Variants in AKAP19 observed in about 807,000 individuals in gnomAD.
AKAP19 encodes A-kinase anchoring protein 19.
the AKAP19 span, among the ~76,000 whole-genome samples, chr2:190,147,748 T>C: frequency 3.0e-5 from 3 of 101,414 alleles, no homozygotes; most frequent in Non-Finnish European, 4.3e-5. Flanking sequence ...GGTTTTTTTT[T>C]TGTTGTTGTT....
chr2:189,924,495 G>A, the AKAP19 span, among the ~76,000 whole-genome samples: 1 of 152,142 alleles, frequency 6.6e-6, no homozygotes, highest in South Asian at 2.1e-4. Context: ...TAAAAATGAT[G>A]TATGGTTTTT....
the AKAP19 span, among the ~76,000 whole-genome samples, chr2:189,957,497 TATTA>T: frequency 6.6e-6 from 1 of 152,184 alleles, no homozygotes; most frequent in African/African-American, 2.4e-5. Context: ...CAAACTAATT[TATTA>T]GTTAGTCAGC....
chr2:189,957,209 C>T, the AKAP19 span, among the ~76,000 whole-genome samples: 1 of 152,082 alleles, frequency 6.6e-6, no homozygotes, highest in Admixed American at 6.6e-5. Context: ...AATCCATGCT[C>T]ACGATATAAG....
the AKAP19 span, among the ~76,000 whole-genome samples, chr2:190,184,518 A>AAAAT: frequency 6.6e-6 from 1 of 152,334 alleles, no homozygotes; most frequent in Admixed American, 6.5e-5. Context: ...AATAAAGAAA[A>AAAAT]AAATAACTCC....
At chr2:189,940,464 G>T in the AKAP19 span, among the ~76,000 whole-genome samples, 3 of 151,528 alleles carry the variant, frequency 2.0e-5, no homozygotes, top group South Asian at 6.3e-4. Context: ...CACAGTCAAA[G>T]GAGAAAAAAG....
At chr2:190,199,973 T>C in the AKAP19 span, 4 of 1,614,144 alleles carry the variant, frequency 2.5e-6, no homozygotes, top group South Asian at 1.1e-5. Context: ...CTACCTAGGA[T>C]GGCTTCTCCA....
At chr2:189,898,555 G>A in the AKAP19 span, among the ~76,000 whole-genome samples, 3 of 152,034 alleles carry the variant, frequency 2.0e-5, no homozygotes, top group Non-Finnish European at 4.4e-5. Context: ...CTTTTGGCAT[G>A]TGTATATATG....
the AKAP19 span, among the ~76,000 whole-genome samples, chr2:190,126,207 C>G: frequency 5.2e-5 from 7 of 135,712 alleles, no homozygotes; most frequent in African/African-American, 1.9e-4. Context: ...AGGGGAATTG[C>G]TTGAATCCTG....
the AKAP19 span, among the ~76,000 whole-genome samples, chr2:190,193,953 C>T: frequency 1.3e-5 from 2 of 152,128 alleles, no homozygotes; most frequent in African/African-American, 2.4e-5. Flanking sequence ...AGCTCTAAAA[C>T]TAATGCATTT....
the AKAP19 span, among the ~76,000 whole-genome samples, chr2:189,886,858 G>A: frequency 6.6e-6 from 1 of 152,154 alleles, no homozygotes; most frequent in African/African-American, 2.4e-5. Context: ...GTGTGAGGGA[G>A]AAACTCAAGT....
chr2:190,143,580 A>C, the AKAP19 span, among the ~76,000 whole-genome samples: 14 of 152,242 alleles, frequency 9.2e-5, no homozygotes, highest in African/African-American at 2.9e-4. Flanking sequence ...TATCCATATT[A>C]TTGTGTTCTC....
At chr2:189,937,002 G>A in the AKAP19 span, among the ~76,000 whole-genome samples, 1 of 152,176 alleles carries the variant, frequency 6.6e-6, no homozygotes, top group Non-Finnish European at 1.5e-5. Context: ...GGGCATAATG[G>A]TGCATGCCTG....
At chr2:190,063,653 GAGAA>G in the AKAP19 span, among the ~76,000 whole-genome samples, 1 of 152,082 alleles carries the variant, frequency 6.6e-6, no homozygotes, top group African/African-American at 2.4e-5. Flanking sequence ...GCACATAAAA[GAGAA>G]AGAGCATCAT....
the AKAP19 span, among the ~76,000 whole-genome samples, chr2:190,115,027 C>A: frequency 6.6e-6 from 1 of 150,714 alleles, no homozygotes; most frequent in Non-Finnish European, 1.5e-5. Context: ...TTAGGATCAT[C>A]TTTATTCCTT....
the AKAP19 span, among the ~76,000 whole-genome samples, chr2:190,037,740 A>T: frequency 9.2e-5 from 14 of 152,334 alleles, no homozygotes; most frequent in South Asian, 2.1e-4. Context: ...CCATGGTGTG[A>T]TCCCATGTCT....
the AKAP19 span, among the ~76,000 whole-genome samples, chr2:190,059,784 A>G: frequency 1.3e-5 from 2 of 152,044 alleles, no homozygotes; most frequent in Non-Finnish European, 2.9e-5. Context: ...AAAGCACTTT[A>G]TATTTCATTC....
At chr2:189,909,622 C>G in the AKAP19 span, among the ~76,000 whole-genome samples, 1 of 152,012 alleles carries the variant, frequency 6.6e-6, no homozygotes, top group Non-Finnish European at 1.5e-5. Context: ...TACAAAAACA[C>G]TATGCTTTTA....
chr2:189,902,854 G>A, the AKAP19 span, among the ~76,000 whole-genome samples: 4 of 151,030 alleles, frequency 2.6e-5, no homozygotes, highest in Non-Finnish European at 4.4e-5. Flanking sequence ...TGTACAGCTC[G>A]GTGGCATATA....
chr2:190,020,913 G>T, the AKAP19 span, among the ~76,000 whole-genome samples: 19 of 152,200 alleles, frequency 1.2e-4, no homozygotes, highest in South Asian at 2.1e-4. Flanking sequence ...TATTCATAAG[G>T]TTTATCCATG....
Sources: allele counts gnomAD v4.1 joint callset (sites outside exome capture counted in the v4.1 genomes callset), GRCh38; gene constraint gnomAD v4.1.1; transcripts MANE v1.5; gene names NCBI Gene and HGNC (gene_info 2026-07-23, HGNC 2026-07-21).